Variants in GRID2 observed in about 807,000 individuals in gnomAD.
The protein encoded by GRID2 is glutamate ionotropic receptor delta type subunit 2.
Under a neutral mutation model 114.8 loss-of-function variants are expected in GRID2, and 33 were observed. The observed-to-expected ratio is 0.29, with a 90% CI of 0.22 to 0.38. The LOEUF (loss-of-function observed/expected upper bound fraction) is 0.38. GRID2 is among the 10% of genes least tolerant of loss of function. GRID2 has a pLI of 1.00. For synonymous variants in GRID2, 505 were observed against 449.9 expected (o/e 1.12, Z -1.55); for missense variants, 1,184 against 1,257.7 (o/e 0.94, Z 0.89).
chr4:92,941,353 C>T (rs1751110936), intron 2 of GRID2, among the ~76,000 whole-genome samples: 1 of 152,250 alleles, frequency 6.6e-6, no homozygotes, highest in African/African-American at 2.4e-5. Context: ...AGTTTATTTG[C>T]ATAGAGGTGT....
intron 8 of GRID2, among the ~76,000 whole-genome samples, chr4:93,393,952 A>G (rs1357909918): frequency 2.0e-5 from 3 of 152,026 alleles, no homozygotes; most frequent in Non-Finnish European, 4.4e-5. Context: ...CGTTAAGCTT[A>G]AAATTAAGTT....
chr4:92,825,948 G>C (rs953889990), intron 2 of GRID2, among the ~76,000 whole-genome samples: 2 of 152,102 alleles, frequency 1.3e-5, no homozygotes, highest in Non-Finnish European at 2.9e-5. Flanking sequence ...ACTTGTAGCT[G>C]AAAGTATCCT....
intron 2 of GRID2, among the ~76,000 whole-genome samples, chr4:92,962,106 A>T (rs547684389): frequency 2.0e-5 from 3 of 152,032 alleles, no homozygotes; most frequent in Non-Finnish European, 2.9e-5. Context: ...CTTAGCATAT[A>T]AACTGTAGCT....
intron 1 of GRID2, among the ~76,000 whole-genome samples, chr4:92,329,133 T>C (rs1278403363): frequency 1.3e-5 from 2 of 152,080 alleles, no homozygotes; most frequent in African/African-American, 4.8e-5. Flanking sequence ...TATTCAAGAT[T>C]ATTAACCCTA....
intron 2 of GRID2, among the ~76,000 whole-genome samples, chr4:92,929,182 C>T (rs1750045221): frequency 1.3e-5 from 2 of 151,232 alleles, no homozygotes; most frequent in African/African-American, 2.4e-5. Context: ...TTTAAAAGAA[C>T]ATCTTTTTTT....
chr4:93,360,666 T>G (rs1761803970), intron 8 of GRID2, among the ~76,000 whole-genome samples: 1 of 151,956 alleles, frequency 6.6e-6, no homozygotes, highest in Admixed American at 6.6e-5. Flanking sequence ...ATGTGTTTTG[T>G]TGCAAATATA....
At chr4:92,590,095 T>C (rs1173920287) in intron 1 of GRID2, 36 bp from the exon 2 acceptor site, 8 of 1,438,612 alleles carry the variant, frequency 5.6e-6, no homozygotes, top group African/African-American at 1.4e-5. Flanking sequence ...AGAATATTTA[T>C]GTTATTATTT....
intron 13 of GRID2, among the ~76,000 whole-genome samples, chr4:93,588,734 G>T (rs908809749): frequency 1.3e-5 from 2 of 152,100 alleles, no homozygotes; most frequent in African/African-American, 4.8e-5. Flanking sequence ...TCCCAGTACT[G>T]GTCCCCTGAA....
At chr4:92,711,442 T>A (rs1299518676) in intron 2 of GRID2, among the ~76,000 whole-genome samples, 1 of 152,146 alleles carries the variant, frequency 6.6e-6, no homozygotes, top group Non-Finnish European at 1.5e-5. Flanking sequence ...AAGTCCCCAG[T>A]TTTTGTTGGT....
intron 7 of GRID2, among the ~76,000 whole-genome samples, chr4:93,236,570 G>A (rs1201661208): frequency 6.6e-6 from 1 of 151,880 alleles, no homozygotes; most frequent in Non-Finnish European, 1.5e-5. Flanking sequence ...CCTGCTAAGG[G>A]CTTTGTATAG....
At chr4:92,514,112 A>G (rs980873188) in intron 1 of GRID2, among the ~76,000 whole-genome samples, 2 of 151,930 alleles carry the variant, frequency 1.3e-5, no homozygotes, top group Non-Finnish European at 2.9e-5. Context: ...TTGTTTCTTT[A>G]CTAAACTGCT....
At chr4:92,848,646 T>C (rs979419656) in intron 2 of GRID2, among the ~76,000 whole-genome samples, 2 of 152,028 alleles carry the variant, frequency 1.3e-5, no homozygotes, top group East Asian at 1.9e-4. Context: ...GGTAACTAGA[T>C]TGATGAGTCT....
intron 2 of GRID2, among the ~76,000 whole-genome samples, chr4:92,895,949 A>C (rs1298578711): frequency 1.3e-5 from 2 of 152,206 alleles, no homozygotes; most frequent in Non-Finnish European, 2.9e-5. Context: ...CCCTGTTGTC[A>C]GTATTTTAGC....
intron 8 of GRID2, among the ~76,000 whole-genome samples, chr4:93,375,140 G>A (rs537580030): frequency 6.6e-6 from 1 of 151,494 alleles, no homozygotes; most frequent in Non-Finnish European, 1.5e-5. Flanking sequence ...CCTCTACCCA[G>A]ACTGCAGCCA....
intron 2 of GRID2, among the ~76,000 whole-genome samples, chr4:92,920,977 A>G (rs1179442158): frequency 6.6e-6 from 1 of 152,156 alleles, no homozygotes; most frequent in Non-Finnish European, 1.5e-5. Context: ...AGTCACTTTC[A>G]GGTACACCAA....
At position 92,935,133 on chromosome 4, in the gene GRID2, T is replaced by C. The variant is rs1371314195; in HGVS notation, c.245-149862T>C. 3.0e-4 allele frequency among the ~76,000 whole-genome samples: 44 copies of C among 146,306 alleles called. 6 individuals are homozygous for C. Among genetic ancestry groups the C allele is most frequent in the Non-Finnish European group, 3.0e-5 (2 of 66,178 alleles). ...AAAATGGGAGAAAATTTTCACAACC[T>C]ACTCATCTGACAAAGGGCTAATATC... On this transcript the variant is annotated intron_variant, in intron 2 of 15. Coordinates refer to ENST00000282020, the MANE Select transcript of GRID2 (RefSeq NM_001510.4).
intron 4 of GRID2, among the ~76,000 whole-genome samples, chr4:93,124,082 T>G (rs1002175466): frequency 7.0e-6 from 1 of 143,230 alleles, no homozygotes; most frequent in Non-Finnish European, 1.5e-5. Flanking sequence ...AATGTGCACA[T>G]GTACCCTAAA....
At chr4:93,257,960 T>G (rs564174470) in intron 8 of GRID2, among the ~76,000 whole-genome samples, 8 of 146,198 alleles carry the variant, frequency 5.5e-5, no homozygotes, top group Admixed American at 2.1e-4. Context: ...TATATACATA[T>G]ACACACAATA....
At chr4:93,138,216 C>A (rs184184713) in intron 4 of GRID2, among the ~76,000 whole-genome samples, 91 of 152,064 alleles carry the variant, frequency 6.0e-4, no homozygotes, top group African/African-American at 2.2e-3. Context: ...CTCCAGTGAT[C>A]CACCTGTCTC....
Sources: gnomAD v4.1 joint callset for allele counts (sites outside exome capture counted in the v4.1 genomes callset) on GRCh38, gnomAD v4.1.1 for gene constraint, MANE v1.5 for transcripts, NCBI Gene and HGNC (gene_info 2026-07-23, HGNC 2026-07-21) for gene names.